The following MLLT3 variants were observed in gnomAD, a reference collection of about 807,000 sequenced individuals.
The protein encoded by MLLT3 is protein AF-9.
Under a neutral mutation model 53.2 loss-of-function variants are expected in MLLT3, and 4 were observed. The ratio of observed to expected loss-of-function variants is 0.08; its 90% CI spans 0.04 to 0.17. The LOEUF is 0.17. Among genes scored for constraint, MLLT3 ranks in the 10% least tolerant of loss-of-function variants. The probability of loss-of-function intolerance (pLI) is 1.00; values close to 1 mark genes in which losing one functional copy is unlikely to be tolerated. For synonymous variants in MLLT3, 283 were observed against 230.6 expected (o/e 1.23, Z -2.06); for missense variants, 569 against 684.0 (o/e 0.83, Z 1.87).
intron 5 of MLLT3, among the ~76,000 whole-genome samples, chr9:20,385,519 T>G (rs1409326970): frequency 3.3e-5 from 5 of 152,304 alleles, no homozygotes. Context: ...TTGAAATATA[T>G]GAATAAAAAT....
At chr9:20,360,495 T>G (rs78205886) in intron 8 of MLLT3, among the ~76,000 whole-genome samples, 2,039 of 152,286 alleles carry the variant, frequency 0.013, 43 homozygotes, top group African/African-American at 0.045. Context: ...GGCAATACTT[T>G]TTGTCACCCT....
At chr9:20,588,695 A>G (rs1178816568) in intron 2 of MLLT3, among the ~76,000 whole-genome samples, 2 of 152,152 alleles carry the variant, frequency 1.3e-5, no homozygotes, top group African/African-American at 4.8e-5. Flanking sequence ...TTGATTTTGT[A>G]TCCTGAGACT....
chr9:20,510,378 C>A (rs1825503511), intron 2 of MLLT3, among the ~76,000 whole-genome samples: 1 of 152,042 alleles, frequency 6.6e-6, no homozygotes, highest in Non-Finnish European at 1.5e-5. Flanking sequence ...TTTGGGAGGC[C>A]AAGGTGGGCA....
At chr9:20,439,557 A>G (rs1200449107) in intron 4 of MLLT3, among the ~76,000 whole-genome samples, 1 of 152,052 alleles carries the variant, frequency 6.6e-6, no homozygotes, top group Non-Finnish European at 1.5e-5. Context: ...GTCTTAAGCC[A>G]GTAAGTTTAA....
chr9:20,351,837 TA>T (rs1354345626), intron 10 of MLLT3, among the ~76,000 whole-genome samples: 1 of 152,174 alleles, frequency 6.6e-6, no homozygotes, highest in Non-Finnish European at 1.5e-5. Flanking sequence ...CAAAAGGAAT[TA>T]ATTAAGCAGT....
At chr9:20,552,172 T>C (rs1405785133) in intron 2 of MLLT3, among the ~76,000 whole-genome samples, 1 of 152,152 alleles carries the variant, frequency 6.6e-6, no homozygotes, top group Non-Finnish European at 1.5e-5. Flanking sequence ...AGCAAAGATG[T>C]TTTTAGGATT....
chr9:20,434,013 C>T (rs1440181156), intron 4 of MLLT3, among the ~76,000 whole-genome samples: 1 of 151,776 alleles, frequency 6.6e-6, no homozygotes, highest in Non-Finnish European at 1.5e-5. Context: ...CCCAGCTACT[C>T]AGGAGGATGA....
At chr9:20,411,623 C>A (rs1822730445) in intron 5 of MLLT3, among the ~76,000 whole-genome samples, 1 of 152,072 alleles carries the variant, frequency 6.6e-6, no homozygotes, top group South Asian at 2.1e-4. Context: ...ATGTCATATA[C>A]CATTTTGAAA....
intron 5 of MLLT3, among the ~76,000 whole-genome samples, chr9:20,398,361 A>G (rs1198118266): frequency 2.0e-5 from 3 of 152,104 alleles, no homozygotes; most frequent in Non-Finnish European, 4.4e-5. Context: ...TACAGGCATG[A>G]GCTACATGGC....
At chr9:20,507,038 T>C (rs139523328) in intron 2 of MLLT3, among the ~76,000 whole-genome samples, 2 of 152,312 alleles carry the variant, frequency 1.3e-5, no homozygotes, top group East Asian at 3.8e-4. Context: ...GTATGAAGAG[T>C]GCAAGGCACC....
rs114488799 is a variant in MLLT3 at position 20,507,037 on chromosome 9, G to C, written c.194-50251C>G. 3.6e-3 allele frequency among the ~76,000 whole-genome samples: 553 copies of C among 152,338 alleles called. 2 individuals carry two copies. Among genetic ancestry groups the C allele is most frequent in the African/African-American group, 0.011 (474 of 41,574 alleles). Reference sequence around the variant, plus strand: ...TACTATTCAATTGGCAGTATGAAGAGTGCAAGGCACCCCCTAAAACCTTTA... The same window carrying C: ...TACTATTCAATTGGCAGTATGAAGACTGCAAGGCACCCCCTAAAACCTTTA... On this transcript the variant is annotated intron_variant, in intron 2 of 10. Transcript: ENST00000380338.
At chr9:20,557,663 C>T (rs1819096101) in intron 2 of MLLT3, among the ~76,000 whole-genome samples, 1 of 152,158 alleles carries the variant, frequency 6.6e-6, no homozygotes, top group Non-Finnish European at 1.5e-5. Flanking sequence ...TAGTCCCTTC[C>T]TAGAGAAAGG....
chr9:20,414,093 C>A lies in MLLT3; in HGVS notation c.753G>T (p.Met251Ile). Residue 251 changes from methionine (M) to isoleucine (I), a missense_variant, in exon 5 of 11, where the codon ATG becomes ATT. This residue lies in a region of MLLT3 where 437 missense variants were observed against 376.5 expected (regional missense o/e 1.16). Transcript: ENST00000380338. ...ACATGGGTTTAGGTTCCTTGAAGGCCATCTTAGGAACTATTTTCTCTTCTT... is the reference window on the plus strand; with the variant it reads ...ACATGGGTTTAGGTTCCTTGAAGGCAATCTTAGGAACTATTTTCTCTTCTT... ...PLKEEKIVPK[M>I]AFKEPKPMSK... The A allele has an allele frequency of 6.2e-7, 1 of 1,613,594 alleles. No individual in the cohort carries two copies. The highest frequency in any genetic ancestry group is 1.3e-5 in the African/African-American group (1 of 74,920).
At chr9:20,415,530 T>G in intron 4 of MLLT3, 3 of 642,196 alleles carry the variant, frequency 4.7e-6, no homozygotes, top group Non-Finnish European at 5.8e-6. Context: ...AGAAGAGCTC[T>G]TTCTTGCTTA....
intron 2 of MLLT3, among the ~76,000 whole-genome samples, chr9:20,586,030 AAT>A (rs1246595844): frequency 6.6e-6 from 1 of 152,186 alleles, no homozygotes; most frequent in African/African-American, 2.4e-5. Flanking sequence ...AAAGAGAATA[AAT>A]ATAGGCCAGG....
At chr9:20,444,625 C>A (rs1363633270) in intron 4 of MLLT3, among the ~76,000 whole-genome samples, 1 of 152,144 alleles carries the variant, frequency 6.6e-6, no homozygotes, top group African/African-American at 2.4e-5. Context: ...GTAGTTAGAG[C>A]ACTTTAGGAG....
Position 20,345,286 on chromosome 9 carries a change from T to A in MLLT3, c.*1157A>T. ...CTGTTATGGCAGAATAACCAAGAAT[T>A]TTTCCCCAAAGAAAGATTTTAATTT... On this transcript the variant is annotated 3_prime_UTR_variant, in exon 11 of 11. Coordinates refer to ENST00000380338, the MANE Select transcript of MLLT3 (RefSeq NM_004529.4). 1 of 215,244 alleles carries A rather than the reference T, an allele frequency of 4.6e-6. No homozygotes were observed. The highest frequency in any genetic ancestry group is 9.4e-6 in the Non-Finnish European group (1 of 106,698). The allele number at this position is 215,244 out of a possible 1,614,324, so 13.3% of individuals were successfully genotyped here.
chr9:20,455,766 C>T (rs892722319), intron 3 of MLLT3, among the ~76,000 whole-genome samples: 1 of 152,014 alleles, frequency 6.6e-6, no homozygotes, highest in Non-Finnish European at 1.5e-5. Flanking sequence ...ATTCTAAGTA[C>T]TTTGCATAAG....
chr9:20,404,990 C>T (rs1385177271), intron 5 of MLLT3, among the ~76,000 whole-genome samples: 1 of 152,028 alleles, frequency 6.6e-6, no homozygotes, highest in East Asian at 1.9e-4. Flanking sequence ...TAATTTTTTT[C>T]TGACATAATC....
Sources: gnomAD v4.1 joint callset for allele counts (sites outside exome capture counted in the v4.1 genomes callset) on GRCh38, gnomAD v4.1.1 for gene constraint, gnomAD v4.1.1 regional missense constraint, MANE v1.5 for transcripts, NCBI Gene and HGNC (gene_info 2026-07-23, HGNC 2026-07-21) for gene names.